Variants in AKR1C3 observed in about 807,000 individuals in gnomAD.
AKR1C3 encodes the protein aldo-keto reductase family 1 member C3, also known as 3-alpha hydroxysteroid dehydrogenase, type II.
A neutral mutation model predicts 43.6 loss-of-function variants in AKR1C3; 48 were observed. The observed-to-expected ratio is 1.10, with a 90% CI of 0.87 to 1.40. AKR1C3 has a LOEUF of 1.40. AKR1C3 is among the 40% of genes most tolerant of loss of function. The probability of loss-of-function intolerance (pLI) is 0.00; values close to 1 mark genes in which losing one functional copy is unlikely to be tolerated. For missense variants in AKR1C3, 482 were observed against 391.2 expected (o/e 1.23, Z -1.96); for synonymous variants, 162 against 139.6 (o/e 1.16, Z -1.13).
chr10:5,067,033 ATTGTTTGT>A (rs144988666), intron 1 of AKR1C3, among the ~76,000 whole-genome samples: 113 of 152,070 alleles, frequency 7.4e-4, no homozygotes, highest in South Asian at 2.3e-3. Context: ...GGAGTGAATC[ATTGTTTGT>A]TTGTTTGTTT....
At position 5,085,874 on chromosome 10, in the gene AKR1C3, C is replaced by T. The variant is rs1355456627; in HGVS notation, c.85-10536C>T. Among the ~76,000 whole-genome samples the T allele has an allele frequency of 1.5e-4, 22 of 151,668 alleles. 1 individual carries two copies. The highest frequency in any genetic ancestry group is 1.9e-4 in the Non-Finnish European group (13 of 67,966). On this transcript the variant is annotated intron_variant, in intron 1 of 8. Transcript: ENST00000439082. Reference sequence around the variant, plus strand: ...TAGTTTATTTGCATAGAGGTGTTTACAGTATTCTCTGATGGTAGTTTGTAT... The same window carrying T: ...TAGTTTATTTGCATAGAGGTGTTTATAGTATTCTCTGATGGTAGTTTGTAT...
At chr10:5,102,784 C>A (rs1384575136) in intron 7 of AKR1C3, 134 bp downstream of exon 7, 3 of 1,481,012 alleles carry the variant, frequency 2.0e-6, no homozygotes, top group Non-Finnish European at 2.7e-6. Flanking sequence ...TTGCGTGCAT[C>A]CTGAGGGTTT....
In AKR1C3 at chr10:5,096,520, C is replaced by T; in HGVS notation, c.195C>T (p.Ile65=). ...ATGAGGAGCAGGTTGGACTGGCCATCCGAAGCAAGATTGCAGATGGCAGTG... is the reference window on the plus strand; with the variant it reads ...ATGAGGAGCAGGTTGGACTGGCCATTCGAAGCAAGATTGCAGATGGCAGTG... ...YNNEEQVGLA[I]RSKIADGSVK... is the part of the protein sequence containing the mutation. Residue 65 remains isoleucine (I), a synonymous_variant, in exon 2 of 9, where the codon ATC becomes ATT. Transcript: ENST00000380554. The T allele has an allele frequency of 6.2e-7, 1 of 1,613,786 alleles. No homozygotes were observed. The highest frequency in any genetic ancestry group is 1.3e-5 in the African/African-American group (1 of 74,990).
At chr10:5,105,061 TAG>T (rs1204943275) in intron 7 of AKR1C3, among the ~76,000 whole-genome samples, 3 of 152,278 alleles carry the variant, frequency 2.0e-5, no homozygotes, top group Non-Finnish European at 4.4e-5. Flanking sequence ...CTCTCAAATT[TAG>T]AGAGTAAGAT....
intron 1 of AKR1C3, among the ~76,000 whole-genome samples, chr10:5,065,533 G>T (rs782320138): frequency 1.4e-4 from 22 of 152,012 alleles, no homozygotes; most frequent in Admixed American, 3.3e-4. Flanking sequence ...ACAAAATGCA[G>T]AAAAAAATGC....
chr10:5,102,077 C>A, intron 5 of AKR1C3, 24 bp from the exon 6 acceptor site: 1 of 1,391,404 alleles, frequency 7.2e-7, no homozygotes, highest in Non-Finnish European at 1.0e-6. Context: ...TAAATTGATG[C>A]TTCTCTCTTT....
chr10:5,097,595 A>G, intron 3 of AKR1C3, 45 bp downstream of exon 3: 1 of 1,611,420 alleles, frequency 6.2e-7, no homozygotes, highest in Non-Finnish European at 8.5e-7. Context: ...TGCTGTCATT[A>G]TAAACATTGT....
chr10:5,085,801 T>G (rs58190365), intron 1 of AKR1C3, among the ~76,000 whole-genome samples: 1,773 of 151,972 alleles, frequency 0.012, 76 homozygotes, highest in African/African-American at 0.041. Context: ...GGTTTAGTCT[T>G]GGGAGGATGT....
Position 5,107,323 on chromosome 10 carries a change from A to G in AKR1C3, c.930-138A>G, listed in dbSNP as rs1177277725. The G allele has an allele frequency of 5.6e-5, 36 of 647,486 alleles. No homozygotes were observed. The East Asian group carries it at 6.7e-4, about 12-fold the overall frequency. 40.1% of individuals were successfully genotyped at this position (647,486 alleles called of 1,614,324 possible). A position where few individuals can be genotyped will look rare whatever the true frequency, so the allele number is the denominator to read the frequency against. ...AATACTGTATTATGAAGCCATGTTC[A>G]TAAAGGTAAGAAAGGCAGATTCTAC... On this transcript the variant is annotated intron_variant, in intron 8 of 8. Coordinates refer to ENST00000380554, the MANE Select transcript of AKR1C3 (RefSeq NM_003739.6).
At chr10:5,059,384 T>C (rs1165946384) in intron 1 of AKR1C3, among the ~76,000 whole-genome samples, 11 of 152,206 alleles carry the variant, frequency 7.2e-5, no homozygotes, top group Non-Finnish European at 1.2e-4. Context: ...ATAGGATAGA[T>C]GAGTGAGTCT....
At position 5,052,137 on chromosome 10, in the gene AKR1C3, G is replaced by A. The variant is rs116511384; in HGVS notation, c.84+3242G>A. ...TATTCCTTCTGGTGGGTGCATGGTCGCGTTGGCTCAGGAGTGAAGCTGCAG... is the reference window on the plus strand; with the variant it reads ...TATTCCTTCTGGTGGGTGCATGGTCACGTTGGCTCAGGAGTGAAGCTGCAG... On this transcript the variant is annotated intron_variant, in intron 1 of 8. Coordinates refer to the AKR1C3 transcript ENST00000439082. Among the ~76,000 whole-genome samples, 806 of 152,184 alleles carry A rather than the reference G, an allele frequency of 5.3e-3. 4 individuals are homozygous for A. Among genetic ancestry groups the A allele is most frequent in the African/African-American group, 0.016 (680 of 41,524 alleles).
intron 6 of AKR1C3, 129 bp from the exon 7 acceptor site, chr10:5,102,356 C>T: frequency 1.9e-6 from 3 of 1,595,344 alleles, no homozygotes; most frequent in African/African-American, 2.7e-5. Flanking sequence ...TTGGATGATG[C>T]TGATGGTGAT....
intron 3 of AKR1C3, 126 bp downstream of exon 3, chr10:5,097,676 A>G: frequency 6.4e-7 from 1 of 1,558,814 alleles, no homozygotes; most frequent in Non-Finnish European, 8.6e-7. Context: ...AAGAACCGTA[A>G]GTGGAACACC....
intron 1 of AKR1C3, among the ~76,000 whole-genome samples, chr10:5,060,698 C>A (rs1015446423): frequency 5.9e-5 from 9 of 152,208 alleles, no homozygotes; most frequent in Admixed American, 1.3e-4. Context: ...CACTCCTCAG[C>A]CCTTGGGTGG....
At chr10:5,091,478 T>C (rs1260449679), upstream of AKR1C3, among the ~76,000 whole-genome samples, 1 of 152,196 alleles carries the variant, frequency 6.6e-6, no homozygotes, top group Non-Finnish European at 1.5e-5. Context: ...TTTTTATTTA[T>C]GTCTTTAGCT....
chr10:5,080,427 C>G (rs1334090550), intron 1 of AKR1C3, among the ~76,000 whole-genome samples: 1 of 152,120 alleles, frequency 6.6e-6, no homozygotes, highest in African/African-American at 2.4e-5. Flanking sequence ...AGTTCATGAC[C>G]AGCCTGGCCA....
chr10:5,088,266 T>C (rs1839015380), intron 1 of AKR1C3, among the ~76,000 whole-genome samples: 1 of 152,206 alleles, frequency 6.6e-6, no homozygotes, highest in African/African-American at 2.4e-5. Flanking sequence ...GAATGGTTCA[T>C]GTGCAGGTGA....
chr10:5,095,329 C>A (rs1554784957), intron 1 of AKR1C3, among the ~76,000 whole-genome samples: 1 of 151,956 alleles, frequency 6.6e-6, no homozygotes, highest in African/African-American at 2.4e-5. Flanking sequence ...TGATGATCTA[C>A]AAGGATACAT....
chr10:5,073,972 G>GC (rs1554781569), intron 1 of AKR1C3, among the ~76,000 whole-genome samples: 1 of 151,702 alleles, frequency 6.6e-6, no homozygotes, highest in Non-Finnish European at 1.5e-5. Context: ...GCACAAACTT[G>GC]CCCCCCATTC....
Sources: allele counts gnomAD v4.1 joint callset (sites outside exome capture counted in the v4.1 genomes callset), GRCh38; gene constraint gnomAD v4.1.1; transcripts MANE v1.5; gene names NCBI Gene and HGNC (gene_info 2026-07-23, HGNC 2026-07-21).